RETREG1: variants seen among roughly 807,000 people sequenced by gnomAD.
RETREG1 encodes the protein family with sequence similarity 134 member B.
A neutral mutation model predicts 54.8 loss-of-function variants in RETREG1; 44 were observed. The ratio of observed to expected loss-of-function variants is 0.80; its 90% CI spans 0.63 to 1.03. RETREG1 has a LOEUF of 1.03. Ranked by LOEUF, RETREG1 falls within the 50% of genes least tolerant of loss-of-function variation. RETREG1 has a pLI of 0.00. For synonymous variants in RETREG1, 217 were observed against 238.5 expected (o/e 0.91, Z 0.83); for missense variants, 554 against 605.1 (o/e 0.92, Z 0.89).
chr5:16,487,597 A>T (rs1290624448), intron 3 of RETREG1, among the ~76,000 whole-genome samples: 1 of 152,228 alleles, frequency 6.6e-6, no homozygotes, highest in Non-Finnish European at 1.5e-5. Context: ...ACTCCCAAAA[A>T]AGCCCCAGCA....
At chr5:16,531,502 A>G (rs1740914297) in intron 3 of RETREG1, among the ~76,000 whole-genome samples, 1 of 152,188 alleles carries the variant, frequency 6.6e-6, no homozygotes, top group Non-Finnish European at 1.5e-5. Flanking sequence ...TAAATCAACA[A>G]GCAATGACAG....
Position 16,477,993 on chromosome 5 carries a change from C to A in RETREG1, c.873+41G>T. ...TTGTATGCATACATGCATTTACAGT[C>A]AAACCACACAGGAACAAATTGAAAA... On this transcript the variant is annotated intron_variant, in intron 7 of 8. Coordinates refer to ENST00000306320, the MANE Select transcript of RETREG1 (RefSeq NM_001034850.3). 2.6e-6 allele frequency: 4 copies of A among 1,528,538 alleles called. No homozygotes were observed. In the South Asian group the frequency reaches 4.6e-5, roughly 18 times the overall value. 94.7% of individuals were successfully genotyped at this position (1,528,538 alleles called of 1,614,324 possible). A position where few individuals can be genotyped will look rare whatever the true frequency, so the allele number is the denominator to read the frequency against.
chr5:16,474,672 T>TA lies in RETREG1; in HGVS notation c.*68_*69insT. ...ACAGTTCAATTTTTTTCTTTTCCTT[T>TA]TTTTTTTTTTTTTCTTGTTTGAAAT... On this transcript the variant is annotated 3_prime_UTR_variant, in exon 9 of 9. Coordinates refer to ENST00000306320, the MANE Select transcript of RETREG1 (RefSeq NM_001034850.3). 2.1e-6 allele frequency: 3 copies of TA among 1,444,324 alleles called. No homozygotes were observed. Among genetic ancestry groups the TA allele is most frequent in the Non-Finnish European group, 2.8e-6 (3 of 1,076,544 alleles). 89.5% of individuals were successfully genotyped at this position (1,444,324 alleles called of 1,614,324 possible). A position where few individuals can be genotyped will look rare whatever the true frequency, so the allele number is the denominator to read the frequency against.
chr5:16,506,333 A>C (rs187922928), intron 3 of RETREG1, among the ~76,000 whole-genome samples: 43 of 152,334 alleles, frequency 2.8e-4, no homozygotes, highest in Middle Eastern at 3.4e-3. Flanking sequence ...ATCAAGCTCT[A>C]AGAATGTACT....
At chr5:16,569,908 A>G (rs1483179603) in intron 2 of RETREG1, among the ~76,000 whole-genome samples, 4 of 152,240 alleles carry the variant, frequency 2.6e-5, no homozygotes, top group Non-Finnish European at 5.9e-5. Flanking sequence ...AACAGATTGC[A>G]GTGATGCGGC....
At chr5:16,581,323 G>A (rs1742469082) in intron 1 of RETREG1, among the ~76,000 whole-genome samples, 1 of 152,048 alleles carries the variant, frequency 6.6e-6, no homozygotes, top group Non-Finnish European at 1.5e-5. Flanking sequence ...CAAATTCAAA[G>A]AACACAGTGA....
chr5:16,496,366 G>A (rs1050309910), intron 3 of RETREG1, among the ~76,000 whole-genome samples: 3 of 152,176 alleles, frequency 2.0e-5, no homozygotes, highest in African/African-American at 4.8e-5. Flanking sequence ...TCATTGCTCA[G>A]ACACTGTCAA....
In RETREG1 at chr5:16,616,986, C is replaced by T. The variant is rs1237032070; in HGVS notation, c.-15G>A. 3.3e-5 allele frequency: 45 copies of T among 1,367,242 alleles called. No homozygotes were observed. Among genetic ancestry groups the T allele is most frequent in the Non-Finnish European group, 3.2e-5 (34 of 1,063,350 alleles). 84.7% of individuals were successfully genotyped at this position (1,367,242 alleles called of 1,614,324 possible). On this transcript the variant is annotated 5_prime_UTR_variant, in exon 1 of 9. Coordinates refer to ENST00000306320, the MANE Select transcript of RETREG1 (RefSeq NM_001034850.3). ...GGGCTCGCCATCTTCAGCTGTGCTT[C>T]CAGACAGGGACGGGGCCGGGCGCGC... is the stretch of plus-strand genomic sequence containing the variant.
intron 2 of RETREG1, among the ~76,000 whole-genome samples, chr5:16,566,986 A>G (rs1200919021): frequency 6.6e-6 from 1 of 152,264 alleles, no homozygotes; most frequent in Non-Finnish European, 1.5e-5. Context: ...TCCTGGAGCC[A>G]AGAGTGGAGA....
At chr5:16,606,913 C>T (rs1005837387) in intron 1 of RETREG1, among the ~76,000 whole-genome samples, 4 of 152,174 alleles carry the variant, frequency 2.6e-5, no homozygotes, top group African/African-American at 7.2e-5. Flanking sequence ...CTGTTTCCCC[C>T]TTGCTCACCC....
chr5:16,568,208 C>A (rs1742071573), intron 2 of RETREG1, among the ~76,000 whole-genome samples: 3 of 151,428 alleles, frequency 2.0e-5, no homozygotes, highest in Admixed American at 6.6e-5. Flanking sequence ...TGTTCACAGG[C>A]AATACAAAAT....
Position 16,616,720 on chromosome 5 carries a change from G to T in RETREG1, c.252C>A (p.Asp84Glu). 2 of 1,586,314 alleles carry T rather than the reference G, an allele frequency of 1.3e-6. No homozygotes were observed. The highest frequency in any genetic ancestry group is 1.7e-5 in the Admixed American group (1 of 58,608). Residue 84 changes from aspartate to glutamate, a missense_variant, in exon 1 of 9, where the codon GAC becomes GAA. Asp to Glu is a conservative substitution (Grantham distance 45, BLOSUM62 2). Coordinates refer to ENST00000306320, the MANE Select transcript of RETREG1 (RefSeq NM_001034850.3). ...EPVLWLGCRA[D>E]ELLSWKRPLR... ...GCGGCCTCTTCCAGCTCAGCAGCTC[G>T]TCGGCGCGGCAGCCCAGCCACAGCA...
At chr5:16,475,483 A>G (rs1426654487) in intron 8 of RETREG1, among the ~76,000 whole-genome samples, 1 of 152,162 alleles carries the variant, frequency 6.6e-6, no homozygotes, top group East Asian at 1.9e-4. Flanking sequence ...AGCACAAAAC[A>G]GTGTATTTAC....
rs971144738 is a variant in RETREG1, at chr5:16,473,172, G to A, written c.*1569C>T. On this transcript the variant is annotated 3_prime_UTR_variant, in exon 9 of 9. Transcript: ENST00000306320. ...ATTTTCAAACACCAGGTTTCCATTT[G>A]TATTAAAATGGGCAAGATAATGAAG... The A allele has an allele frequency of 2.0e-5, 3 of 152,428 alleles. No individual in the cohort carries two copies. Among genetic ancestry groups the A allele is most frequent in the African/African-American group, 7.2e-5 (3 of 41,406 alleles). The allele number at this position is 152,428 out of a possible 1,614,324, so 9.4% of individuals were successfully genotyped here.
intron 3 of RETREG1, among the ~76,000 whole-genome samples, chr5:16,498,291 T>C (rs1454593079): frequency 2.0e-5 from 3 of 152,242 alleles, no homozygotes; most frequent in East Asian, 3.8e-4. Context: ...GTACAACCTA[T>C]TGCTTCTAGG....
intron 2 of RETREG1, among the ~76,000 whole-genome samples, chr5:16,566,286 G>GA (rs967613931): frequency 5.9e-5 from 9 of 151,968 alleles, no homozygotes; most frequent in African/African-American, 2.2e-4. Context: ...ACTGTTATTT[G>GA]AAAAAAGGAG....
intron 1 of RETREG1, among the ~76,000 whole-genome samples, chr5:16,613,139 C>T: frequency 6.6e-6 from 1 of 151,986 alleles, no homozygotes; most frequent in Non-Finnish European, 1.5e-5. Flanking sequence ...AAAACAAATC[C>T]AAACACACAA....
chr5:16,480,928 C>G, intron 5 of RETREG1, 81 bp downstream of exon 5: 3 of 906,024 alleles, frequency 3.3e-6, no homozygotes, highest in South Asian at 2.7e-5. Context: ...CTCATCCCCC[C>G]TCTTCAAACT....
At chr5:16,607,563 A>G (rs1013302727) in intron 1 of RETREG1, among the ~76,000 whole-genome samples, 1 of 152,102 alleles carries the variant, frequency 6.6e-6, no homozygotes, top group Non-Finnish European at 1.5e-5. Context: ...GCAGTGAGCC[A>G]AGATCACACC....
Sources: gnomAD v4.1 joint callset for allele counts (sites outside exome capture counted in the v4.1 genomes callset) on GRCh38, gnomAD v4.1.1 for gene constraint, MANE v1.5 for transcripts, NCBI Gene and HGNC (gene_info 2026-07-23, HGNC 2026-07-21) for gene names.